ASXL2: variants seen among roughly 807,000 people sequenced by gnomAD.
ASXL2 encodes the protein putative Polycomb group protein ASXL2.
A neutral mutation model predicts 122.0 loss-of-function variants in ASXL2; 23 were observed. The ratio of observed to expected loss-of-function variants is 0.19; its 90% confidence interval spans 0.14 to 0.27. The LOEUF is 0.27. ASXL2 is among the 10% of genes least tolerant of loss of function. ASXL2 has a pLI of 1.00. For synonymous variants in ASXL2, 650 were observed against 637.0 expected, an observed-to-expected ratio of 1.02 and a Z score of -0.31; for missense variants, 1,518 against 1,713.8, an observed-to-expected ratio of 0.89 and a Z score of 2.02.
rs2087690844 is a variant in ASXL2 at position 25,734,042 on chromosome 2, A to G, written c.*7987T>C. 6.7e-6 allele frequency: 1 copy of G among 148,826 alleles called. No homozygotes were observed. The highest frequency in any genetic ancestry group is 6.7e-5 in the Admixed American group (1 of 14,886). 9.2% of individuals were successfully genotyped at this position (148,826 alleles called of 1,614,324 possible). Reference sequence around the variant, plus strand: ...CTGGTGAAGGGTGCAATGCAGTCACAGAATTAAGACAGGTTTTTTTTTTTT... The same window carrying G: ...CTGGTGAAGGGTGCAATGCAGTCACGGAATTAAGACAGGTTTTTTTTTTTT... On this transcript the variant is annotated 3_prime_UTR_variant, in exon 13 of 13. Coordinates refer to ENST00000435504, the MANE Select transcript of ASXL2 (RefSeq NM_018263.6).
chr2:25,836,865 A>C (rs1009424770), intron 2 of ASXL2, among the ~76,000 whole-genome samples: 4 of 152,180 alleles, frequency 2.6e-5, no homozygotes, highest in Admixed American at 2.6e-4. Context: ...GTGGACAATA[A>C]ATTCACGAAC....
In ASXL2 at chr2:25,736,897, G is replaced by T. The variant is rs929405770; in HGVS notation, c.*5132C>A. 6.6e-6 allele frequency: 1 copy of T among 152,046 alleles called. No individual in the cohort carries two copies. Among genetic ancestry groups the T allele is most frequent in the Admixed American group, 6.5e-5 (1 of 15,276 alleles). 9.4% of individuals were successfully genotyped at this position (152,046 alleles called of 1,614,324 possible). ...TACTTTTCTTTATAAAGACGATGTA[G>T]GCACCATTTTGCTCCTATCATATCC... On this transcript the variant is annotated 3_prime_UTR_variant, in exon 13 of 13. Coordinates refer to ENST00000435504, the MANE Select transcript of ASXL2 (RefSeq NM_018263.6).
At chr2:25,765,507 T>G (rs189261508) in intron 8 of ASXL2, among the ~76,000 whole-genome samples, 1 of 151,112 alleles carries the variant, frequency 6.6e-6, no homozygotes, top group South Asian at 2.1e-4. Context: ...AAAAAGAAAA[T>G]AGTCATTGTG....
rs750436917 is a variant in ASXL2 at position 25,799,445 on chromosome 2, T to C, written c.343A>G (p.Ser115Gly). 12 of 1,613,896 alleles carry C rather than the reference T, an allele frequency of 7.4e-6. No individual in the cohort carries two copies. The African/African-American group carries it at 1.6e-4, about 22-fold the overall frequency. The part of the protein sequence containing the change: ...QSDSQSSENS[S>G]SSSDGGSNKE... ...TTGCTGCCACCATCACTGCTGCTGC[T>C]GCTGTTCTCAGAACTCTGGGAATCT... The change falls in exon 5 of 13, where the codon AGC (serine) becomes GGC (glycine). Residue 115 changes from serine (S) to glycine (G), a missense_variant. By Grantham distance (56) the Ser-to-Gly change is moderately conservative. Around this residue, in one of 8 missense-constraint regions of ASXL2, gnomAD observed 198 missense variants for 209.0 expected, o/e 0.95. Coordinates refer to ENST00000435504, the MANE Select transcript of ASXL2 (RefSeq NM_018263.6).
intron 2 of ASXL2, among the ~76,000 whole-genome samples, chr2:25,842,144 C>T (rs1390547667): frequency 2.7e-5 from 4 of 147,680 alleles, no homozygotes; most frequent in East Asian, 2.0e-4. Context: ...AAGAAAAGAA[C>T]ACAGAACACT....
intron 8 of ASXL2, among the ~76,000 whole-genome samples, chr2:25,766,479 G>T (rs1412778401): frequency 6.6e-6 from 1 of 152,094 alleles, no homozygotes; most frequent in African/African-American, 2.4e-5. Context: ...AACTTTGACA[G>T]ATTTTTCTAA....
At position 25,759,516 on chromosome 2, in the gene ASXL2, C is replaced by G. The variant is rs2149146399; in HGVS notation, c.905G>C (p.Arg302Pro). ...FSVLPGDCQQ[R>P]LLLLLPEVDR... The stretch of plus-strand genomic sequence containing the variant: ...TACCTCTGGGAGTAGTAAAAGCAGT[C>G]GTTGCTGGCAATCTCCAGGAAGGAC... The change falls in exon 9 of 13, where the codon CGA (arginine) becomes CCA (proline). Residue 302 changes from arginine (R) to proline (P), a missense_variant. By Grantham distance (103) the Arg-to-Pro change is moderately radical. Around this residue, in one of 8 missense-constraint regions of ASXL2, gnomAD observed 92 missense variants for 156.6 expected, o/e 0.59. Coordinates refer to ENST00000435504, the MANE Select transcript of ASXL2 (RefSeq NM_018263.6). 1 of 1,613,874 alleles carries G rather than the reference C, an allele frequency of 6.2e-7. No individual in the cohort carries two copies. Among genetic ancestry groups the G allele is most frequent in the Non-Finnish European group, 8.5e-7 (1 of 1,179,828 alleles).
chr2:25,825,986 G>A (rs915876436), intron 3 of ASXL2, among the ~76,000 whole-genome samples: 6 of 152,246 alleles, frequency 3.9e-5, no homozygotes, highest in Non-Finnish European at 5.9e-5. Context: ...CTTGTACCCC[G>A]TCTAAGGTAT....
At position 25,841,744 on chromosome 2, in the gene ASXL2, G is replaced by A. The variant is rs143512229; in HGVS notation, c.140+3737C>T. On this transcript the variant is annotated intron_variant, in intron 2 of 12. Coordinates refer to ENST00000435504, the MANE Select transcript of ASXL2 (RefSeq NM_018263.6). ...GGGTGGATCACGAGGTCAGGAGATC[G>A]AGACCATCCTGGCTAACACAGTGAA... Among the ~76,000 whole-genome samples, 685 of 152,118 alleles carry A rather than the reference G, an allele frequency of 4.5e-3. 4 individuals are homozygous for A. Among genetic ancestry groups the A allele is most frequent in the South Asian group, 0.016 (78 of 4,816 alleles).
At position 25,743,281 on chromosome 2, in the gene ASXL2, T is replaced by A. The variant is rs1175476119; in HGVS notation, c.3056A>T (p.Gln1019Leu). ...CTTACTTTGCAAGGTTTTGCCCAGC[T>A]GCTGCTGCGTAGCTGGATGGGACTG... ...ERQSHPATQQ[Q>L]LGKTLQSKQL... Residue 1019 changes from glutamine to leucine, a missense_variant, in exon 13 of 13, where the codon CAG becomes CTG. This residue lies in a region of ASXL2 where 831 missense variants were observed against 833.1 expected (regional missense o/e 1.00). Transcript: ENST00000435504. 2 of 1,613,890 alleles carry A rather than the reference T, an allele frequency of 1.2e-6. No individual in the cohort carries two copies. Among genetic ancestry groups the A allele is most frequent in the Admixed American group, 1.7e-5 (1 of 60,004 alleles).
At chr2:25,751,300 A>G (rs2088041575) in intron 11 of ASXL2, among the ~76,000 whole-genome samples, 1 of 152,186 alleles carries the variant, frequency 6.6e-6, no homozygotes, top group Non-Finnish European at 1.5e-5. Context: ...GTAATAGTTG[A>G]AAATAGAAAG....
chr2:25,734,796 T>C lies in ASXL2; in HGVS notation c.*7233A>G, dbSNP rs1410230855. ...CCACAGTTCAATAGAAAACTATTCC[T>C]TATCCCACAGAATGTCTCAAATCAA... On this transcript the variant is annotated 3_prime_UTR_variant, in exon 13 of 13. Transcript: ENST00000435504. The C allele has an allele frequency of 6.6e-6, 1 of 152,196 alleles. No individual in the cohort carries two copies. Among genetic ancestry groups the C allele is most frequent in the East Asian group, 1.9e-4 (1 of 5,204 alleles). 9.4% of individuals were successfully genotyped at this position (152,196 alleles called of 1,614,324 possible).
rs533854584 is a variant in ASXL2 at position 25,821,495 on chromosome 2, G to A, written c.143+14043C>T. The stretch of plus-strand genomic sequence containing the variant: ...AAAAATATGCGGGGCTGGGCGTGGT[G>A]GCTCACGCCTATAATCCCAGCACTT... On this transcript the variant is annotated intron_variant, in intron 3 of 12. Coordinates refer to ENST00000435504, the MANE Select transcript of ASXL2 (RefSeq NM_018263.6). Among the ~76,000 whole-genome samples the A allele has an allele frequency of 4.6e-5, 7 of 152,230 alleles. 1 individual carries two copies. In the East Asian group the frequency reaches 1.2e-3, roughly 25 times the overall value.
intron 2 of ASXL2, among the ~76,000 whole-genome samples, chr2:25,843,760 G>C (rs1289927037): frequency 7.1e-6 from 1 of 140,838 alleles, no homozygotes; most frequent in Non-Finnish European, 1.5e-5. Flanking sequence ...CATGATCATG[G>C]CTGTGAACAG....
chr2:25,770,492 C>T lies in ASXL2; in HGVS notation c.504+948G>A, dbSNP rs192650965. On this transcript the variant is annotated intron_variant, in intron 6 of 12. Transcript: ENST00000435504. ...AATCTAGGCCAGGTGCGGTGGCTCA[C>T]GCCTGTAATCTCAGCACTTTGGAAG... Among the ~76,000 whole-genome samples, 297 of 152,296 alleles carry T rather than the reference C, an allele frequency of 2.0e-3. 1 individual carries two copies. The highest frequency in any genetic ancestry group is 7.0e-3 in the African/African-American group (289 of 41,572).
intron 3 of ASXL2, among the ~76,000 whole-genome samples, chr2:25,830,440 T>C (rs1312468314): frequency 2.0e-5 from 3 of 152,132 alleles, no homozygotes; most frequent in Non-Finnish European, 4.4e-5. Context: ...GAGGCCAGCC[T>C]GACCAGTATG....
At chr2:25,811,631 A>G (rs1362794697) in intron 3 of ASXL2, among the ~76,000 whole-genome samples, 1 of 152,200 alleles carries the variant, frequency 6.6e-6, no homozygotes, top group Non-Finnish European at 1.5e-5. Context: ...AAAAAGGCAA[A>G]TTAAATCAAG....
At chr2:25,823,719 G>A (rs758768793) in intron 3 of ASXL2, among the ~76,000 whole-genome samples, 10 of 142,044 alleles carry the variant, frequency 7.0e-5, no homozygotes, top group Admixed American at 5.6e-4. Context: ...TACAGTATTG[G>A]ATTTCTTTCT....
At chr2:25,757,474 TAAAAA>T (rs533398416) in intron 9 of ASXL2, among the ~76,000 whole-genome samples, 1 of 98,096 alleles carries the variant, frequency 1.0e-5, no homozygotes, top group Non-Finnish European at 2.2e-5. Flanking sequence ...CCGTCTCTAC[TAAAAA>T]AAAAAAAAAA....
Sources: allele counts gnomAD v4.1 joint callset (sites outside exome capture counted in the v4.1 genomes callset), GRCh38; gene constraint gnomAD v4.1.1; regional missense constraint gnomAD v4.1.1; transcripts MANE v1.5; gene names NCBI Gene and HGNC (gene_info 2026-07-23, HGNC 2026-07-21).